Variants in AP2B1 observed in about 807,000 individuals in gnomAD.
The protein encoded by AP2B1 is AP-2 complex subunit beta.
Under a neutral mutation model 102.0 loss-of-function variants are expected in AP2B1, and 23 were observed. That is an observed-to-expected ratio of 0.23 (90% confidence interval 0.16 to 0.32). AP2B1 has a LOEUF of 0.32. AP2B1 is among the 10% of genes least tolerant of loss of function. The pLI is 1.00. For missense variants in AP2B1, 541 were observed against 1,157.4 expected (o/e 0.47, Z 7.73); for synonymous variants, 381 against 421.2 (o/e 0.90, Z 1.17).
chr17:35,708,417 A>G (rs1484987653), intron 18 of AP2B1, among the ~76,000 whole-genome samples: 3 of 152,128 alleles, frequency 2.0e-5, no homozygotes, highest in African/African-American at 4.8e-5. Flanking sequence ...GTTGCCCTGA[A>G]TAAAAGTACT....
At chr17:35,668,650 T>C (rs2075522129) in intron 14 of AP2B1, among the ~76,000 whole-genome samples, 2 of 152,284 alleles carry the variant, frequency 1.3e-5, no homozygotes, top group Admixed American at 1.3e-4. Flanking sequence ...TTTGTATGAG[T>C]ATTTTTTTAA....
intron 18 of AP2B1, among the ~76,000 whole-genome samples, chr17:35,694,425 TAA>T (rs771882660): frequency 0.83 from 110,535 of 133,512 alleles, 46,383 homozygotes; most frequent in East Asian, 0.96. Flanking sequence ...TTTTTTTTTT[TAA>T]TTTTTTAATT....
intron 3 of AP2B1, among the ~76,000 whole-genome samples, chr17:35,600,567 G>A (rs1181121974): frequency 1.3e-5 from 2 of 152,060 alleles, no homozygotes; most frequent in Non-Finnish European, 2.9e-5. Flanking sequence ...TTGAATGCAG[G>A]AACTTATGAG....
At chr17:35,619,212 G>C (rs2074105094) in intron 5 of AP2B1, among the ~76,000 whole-genome samples, 1 of 152,182 alleles carries the variant, frequency 6.6e-6, no homozygotes, top group South Asian at 2.1e-4. Flanking sequence ...GTGGCTTTTA[G>C]TAGCAGCTAC....
intron 10 of AP2B1, among the ~76,000 whole-genome samples, chr17:35,637,961 T>C (rs1224266670): frequency 6.6e-6 from 1 of 151,986 alleles, no homozygotes; most frequent in African/African-American, 2.4e-5. Flanking sequence ...GCTAGGATTA[T>C]GGGCATGAGC....
intron 21 of AP2B1, among the ~76,000 whole-genome samples, chr17:35,720,600 T>TTTTTA (rs2085357461): frequency 8.5e-6 from 1 of 118,066 alleles, no homozygotes; most frequent in African/African-American, 3.4e-5. Flanking sequence ...TTTTTTTTTT[T>TTTTTA]AATATAGAGA....
intron 1 of AP2B1, among the ~76,000 whole-genome samples, chr17:35,592,541 A>G (rs2073134334): frequency 6.6e-6 from 1 of 151,012 alleles, no homozygotes; most frequent in African/African-American, 2.4e-5. Flanking sequence ...CCAAATTCCT[A>G]TTTATTTATT....
rs896553693 is a variant in AP2B1, at chr17:35,675,352, A to G, written c.2324+1031A>G. 1.1e-4 allele frequency among the ~76,000 whole-genome samples: 16 copies of G among 152,370 alleles called. No individual in the cohort carries two copies. The East Asian group carries it at 2.5e-3, about 24-fold the overall frequency. On this transcript the variant is annotated intron_variant, in intron 17 of 21. Coordinates refer to ENST00000610402, the MANE Select transcript of AP2B1 (RefSeq NM_001030006.2). ...ATAAAATTTGTCAATGACAATTTGC[A>G]TAAGTGACTGTCTGATTTATTTCTC...
intron 5 of AP2B1, among the ~76,000 whole-genome samples, chr17:35,619,369 A>G (rs937813807): frequency 6.6e-6 from 1 of 152,118 alleles, no homozygotes; most frequent in African/African-American, 2.4e-5. Flanking sequence ...CAGGCTGGGT[A>G]TGGTGGTTCA....
chr17:35,635,827 G>A (rs1035283172), intron 9 of AP2B1, among the ~76,000 whole-genome samples: 17 of 152,024 alleles, frequency 1.1e-4, no homozygotes, highest in Admixed American at 5.2e-4. Context: ...CTCCCAAGTA[G>A]CTCGGATTAC....
At chr17:35,671,998 AG>A (rs1365802468) in intron 16 of AP2B1, 98 bp downstream of exon 16, 26 of 1,408,340 alleles carry the variant, frequency 1.8e-5, no homozygotes, top group Middle Eastern at 1.9e-4. Flanking sequence ...AATAAATCAA[AG>A]GTTTGGGCCC....
chr17:35,628,285 A>G (rs1456458886), intron 9 of AP2B1, among the ~76,000 whole-genome samples: 1 of 152,228 alleles, frequency 6.6e-6, no homozygotes, highest in Non-Finnish European at 1.5e-5. Context: ...ATTTGGAGAC[A>G]TGACTGGGCT....
intron 1 of AP2B1, among the ~76,000 whole-genome samples, chr17:35,592,524 G>A (rs113946910): frequency 7.3e-5 from 11 of 151,474 alleles, no homozygotes; most frequent in Admixed American, 4.6e-4. Flanking sequence ...GAGCCACCGC[G>A]CCTGGCCCAA....
intron 6 of AP2B1, 102 bp from the exon 7 acceptor site, chr17:35,626,518 AT>A (rs1567843107): frequency 2.0e-6 from 2 of 982,516 alleles, no homozygotes; most frequent in East Asian, 2.6e-5. Context: ...TAATTCTTTA[AT>A]TTTTTGATAC....
In AP2B1 at chr17:35,627,617, C is replaced by T. The variant is rs776033835; in HGVS notation, c.1060-14C>T. 1.2e-6 allele frequency: 2 copies of T among 1,613,462 alleles called. No homozygotes were observed. The highest frequency in any genetic ancestry group is 2.7e-5 in the African/African-American group (2 of 74,860). ...GAGAATCCTTAATGATTAACCACTT[C>T]CTGGGTTTAACAGGTTCTGGCAGAA... is the stretch of plus-strand genomic sequence containing the variant. On this transcript the variant is annotated splice_polypyrimidine_tract_variant and intron_variant, in intron 8 of 21. Coordinates refer to ENST00000610402, the MANE Select transcript of AP2B1 (RefSeq NM_001030006.2).
At chr17:35,680,526 C>T (rs1473112209) in intron 17 of AP2B1, among the ~76,000 whole-genome samples, 2 of 151,928 alleles carry the variant, frequency 1.3e-5, no homozygotes, top group Non-Finnish European at 2.9e-5. Flanking sequence ...CACACCACCA[C>T]ACTGGCCAAT....
At chr17:35,721,784 G>A (rs2085401346) in intron 21 of AP2B1, among the ~76,000 whole-genome samples, 1 of 152,202 alleles carries the variant, frequency 6.6e-6, no homozygotes, top group Admixed American at 6.5e-5. Flanking sequence ...GTATTTTGGG[G>A]GAGTATTTGG....
intron 12 of AP2B1, among the ~76,000 whole-genome samples, chr17:35,649,055 A>C (rs939154684): frequency 6.6e-6 from 1 of 152,134 alleles, no homozygotes; most frequent in Non-Finnish European, 1.5e-5. Context: ...TATTTAGATA[A>C]TAGTACCTTT....
chr17:35,609,520 G>A (rs1412183746), intron 5 of AP2B1, among the ~76,000 whole-genome samples: 1 of 151,976 alleles, frequency 6.6e-6, no homozygotes, highest in African/African-American at 2.4e-5. Context: ...CTAATTTTTT[G>A]TATTTTTTAG....
Sources: allele counts gnomAD v4.1 joint callset (sites outside exome capture counted in the v4.1 genomes callset), GRCh38; gene constraint gnomAD v4.1.1; transcripts MANE v1.5; gene names NCBI Gene and HGNC (gene_info 2026-07-23, HGNC 2026-07-21).